Variants in BLMH observed in about 807,000 individuals in gnomAD.
BLMH encodes BLM hydrolase.
In BLMH, 32 loss-of-function variants were observed where a neutral mutation model predicts 61.6. The observed-to-expected ratio is 0.52, with a 90% CI of 0.39 to 0.70. The LOEUF (loss-of-function observed/expected upper bound fraction) is 0.70. Among genes scored for constraint, BLMH ranks in the 30% least tolerant of loss-of-function variants. The pLI is 0.00. For synonymous variants in BLMH, 183 were observed against 193.8 expected (o/e 0.94, Z 0.46); for missense variants, 460 against 555.5 (o/e 0.83, Z 1.73).
chr17:30,282,944 T>C (rs1908631667), intron 6 of BLMH, among the ~76,000 whole-genome samples: 1 of 152,312 alleles, frequency 6.6e-6, no homozygotes, highest in African/African-American at 2.4e-5. Flanking sequence ...GTGGGAGGAC[T>C]GCTTGAGCCC....
At chr17:30,274,310 G>T in intron 6 of BLMH, 113 bp from the exon 7 acceptor site, 1 of 1,255,376 alleles carries the variant, frequency 8.0e-7, no homozygotes, top group Non-Finnish European at 1.1e-6. Flanking sequence ...CTAAATTCAA[G>T]CTAAAAATTT....
chr17:30,276,817 C>T (rs1182359041), intron 6 of BLMH, among the ~76,000 whole-genome samples: 1 of 152,210 alleles, frequency 6.6e-6, no homozygotes, highest in Non-Finnish European at 1.5e-5. Flanking sequence ...ATATACATAA[C>T]ATTTCCAGGC....
In BLMH at chr17:30,278,599, T is replaced by A. The variant is rs527570065; in HGVS notation, c.646-4402A>T. 1.1e-3 allele frequency among the ~76,000 whole-genome samples: 171 copies of A among 152,356 alleles called. No homozygotes were observed. In the Middle Eastern group the frequency reaches 0.02, roughly 18 times the overall value. On this transcript the variant is annotated intron_variant, in intron 6 of 11. Coordinates refer to ENST00000261714, the MANE Select transcript of BLMH (RefSeq NM_000386.4). ...AGGTATTCTTTTCTGTGTTGTTCACTGTTTAATCTCCAATGCCTAGAATAG... is the reference window on the plus strand; with the variant it reads ...AGGTATTCTTTTCTGTGTTGTTCACAGTTTAATCTCCAATGCCTAGAATAG...
At chr17:30,265,311 A>G (rs776354655) in intron 11 of BLMH, among the ~76,000 whole-genome samples, 2 of 152,164 alleles carry the variant, frequency 1.3e-5, no homozygotes, top group Non-Finnish European at 2.9e-5. Flanking sequence ...CCCAATCAGC[A>G]TACTAAAATG....
intron 7 of BLMH, chr17:30,273,675 A>G (rs1361706628): frequency 7.9e-6 from 2 of 252,352 alleles, no homozygotes; most frequent in East Asian, 1.4e-4. Flanking sequence ...CTTCAACAGG[A>G]GAGTTCCCCG....
chr17:30,276,986 G>C (rs1480799752), intron 6 of BLMH, among the ~76,000 whole-genome samples: 6 of 152,108 alleles, frequency 3.9e-5, no homozygotes, highest in Non-Finnish European at 7.4e-5. Context: ...GCTTCCTTTG[G>C]CTGACATAAT....
rs138186829 is a variant in BLMH at position 30,287,326 on chromosome 17, C to T, written c.464-424G>A. Among the ~76,000 whole-genome samples the T allele has an allele frequency of 2.8e-4, 43 of 152,292 alleles. 1 individual carries two copies. The highest frequency in any genetic ancestry group is 1.0e-3 in the African/African-American group (43 of 41,558). On this transcript the variant is annotated intron_variant, in intron 4 of 11. Coordinates refer to ENST00000261714, the MANE Select transcript of BLMH (RefSeq NM_000386.4). ...ACATGCCTGAGCCACCTTACCCAGC[C>T]TAAGTAGGTTTTTAATGTGCATATT...
At chr17:30,284,191 G>GT (rs903796453) in intron 6 of BLMH, among the ~76,000 whole-genome samples, 2 of 152,170 alleles carry the variant, frequency 1.3e-5, no homozygotes, top group African/African-American at 4.8e-5. Flanking sequence ...AATGCATTTG[G>GT]TAAATGAAAT....
chr17:30,288,610 G>A (rs181644774), intron 3 of BLMH, among the ~76,000 whole-genome samples: 105 of 152,218 alleles, frequency 6.9e-4, no homozygotes, highest in African/African-American at 2.5e-3. Flanking sequence ...GCCTCCCAAA[G>A]TGCTGGGATT....
chr17:30,291,217 T>C (rs950150746), intron 2 of BLMH, 94 bp downstream of exon 2: 1 of 1,443,460 alleles, frequency 6.9e-7, no homozygotes, highest in African/African-American at 1.4e-5. Flanking sequence ...ACCAGTTCTT[T>C]CAGTACGAAT....
chr17:30,266,602 C>T (rs1468538052), intron 11 of BLMH, among the ~76,000 whole-genome samples: 1 of 151,800 alleles, frequency 6.6e-6, no homozygotes, highest in Non-Finnish European at 1.5e-5. Context: ...CAAGGGCACT[C>T]AACCTCCTCA....
chr17:30,260,991 A>G (rs1260898032), intron 11 of BLMH, among the ~76,000 whole-genome samples: 1 of 152,210 alleles, frequency 6.6e-6, no homozygotes, highest in African/African-American at 2.4e-5. Flanking sequence ...AAACCCTCTG[A>G]GGTGACAAAA....
chr17:30,248,534 T>A lies in BLMH; in HGVS notation c.*483A>T, dbSNP rs138913009. On this transcript the variant is annotated 3_prime_UTR_variant, in exon 12 of 12. Coordinates refer to ENST00000261714, the MANE Select transcript of BLMH (RefSeq NM_000386.4). ...AAGAAATTACCTTGAAAAAATGGAA[T>A]TCAGTGACTGCCATCTAGGAAAGAC... 4.7e-3 allele frequency: 717 copies of A among 153,718 alleles called. 4 individuals carry two copies. Among genetic ancestry groups the A allele is most frequent in the Admixed American group, 0.013 (192 of 15,354 alleles). 9.5% of individuals were successfully genotyped at this position (153,718 alleles called of 1,614,324 possible).
At chr17:30,249,378 GGGTCTTGAGTAACTA>G in intron 11 of BLMH, 1 of 564,238 alleles carries the variant, frequency 1.8e-6, no homozygotes, top group Non-Finnish European at 3.0e-6. Flanking sequence ...TTAGAAAACC[GGGTCTTGAGTAACTA>G]GGTGATGTGC....
In BLMH at chr17:30,291,387, C is replaced by G; in HGVS notation, c.135G>C (p.Thr45=). 2.5e-6 allele frequency: 4 copies of G among 1,614,060 alleles called. No homozygotes were observed. The highest frequency in any genetic ancestry group is 3.4e-6 in the Non-Finnish European group (4 of 1,180,036). The change falls in exon 2 of 12, where the codon ACG becomes ACC. Residue 45 remains threonine (T), a synonymous_variant. Transcript: ENST00000261714. ...GGAACACATGCTGCGCGCGCTGCAC[C>G]GTGGCCCGCTTCAGACAGATGTCCA... ...DLLDICLKRA[T]VQRAQHVFQH...
In BLMH at chr17:30,273,786, C is replaced by T. The variant is rs540639833; in HGVS notation, c.801+256G>A. The T allele has an allele frequency of 5.8e-5, 30 of 516,974 alleles. No homozygotes were observed. In the East Asian group the frequency reaches 7.2e-4, roughly 12 times the overall value. The allele number at this position is 516,974 out of a possible 1,614,324, so 32.0% of individuals were successfully genotyped here. A position where few individuals can be genotyped will look rare whatever the true frequency, so the allele number is the denominator to read the frequency against. ...GAATGATTCTGGTCCTATACAGGGG[C>T]GCATGTGGGAATTAAAATGACTGCT... On this transcript the variant is annotated intron_variant, in intron 7 of 11. Transcript: ENST00000261714.
At chr17:30,288,387 A>G (rs1403324582) in intron 3 of BLMH, among the ~76,000 whole-genome samples, 2 of 152,200 alleles carry the variant, frequency 1.3e-5, no homozygotes, top group African/African-American at 4.8e-5. Context: ...AGACAGGGTC[A>G]TGCTCTGTTG....
At chr17:30,266,232 T>C (rs114815672) in intron 11 of BLMH, among the ~76,000 whole-genome samples, 3,725 of 152,118 alleles carry the variant, frequency 0.024, 134 homozygotes, top group African/African-American at 0.085. Flanking sequence ...ATGTAGTAGA[T>C]GAAAATACAT....
At chr17:30,285,998 G>C (rs1452355748) in intron 5 of BLMH, among the ~76,000 whole-genome samples, 1 of 152,112 alleles carries the variant, frequency 6.6e-6, no homozygotes, top group African/African-American at 2.4e-5. Context: ...GTGCTAAAGA[G>C]GATGTTGCTC....
Sources: allele counts gnomAD v4.1 joint callset (sites outside exome capture counted in the v4.1 genomes callset), GRCh38; gene constraint gnomAD v4.1.1; transcripts MANE v1.5; gene names NCBI Gene and HGNC (gene_info 2026-07-23, HGNC 2026-07-21).